Variants in RIMS2 observed in about 807,000 individuals in gnomAD.
RIMS2 encodes the protein regulating synaptic membrane exocytosis 2.
In RIMS2, 59 loss-of-function variants were observed where a neutral mutation model predicts 174.4. That is an observed-to-expected ratio of 0.34 (90% CI 0.27 to 0.42). The LOEUF (loss-of-function observed/expected upper bound fraction) is 0.42. Among genes scored for constraint, RIMS2 ranks in the 10% least tolerant of loss-of-function variants. The pLI, the probability that RIMS2 is intolerant of heterozygous loss-of-function variation, is 1.00. For synonymous variants in RIMS2, 606 were observed against 572.5 expected, an observed-to-expected ratio of 1.06 and a Z score of -0.84; for missense variants, 1,620 against 1,666.3, an observed-to-expected ratio of 0.97 and a Z score of 0.48.
intron 19 of RIMS2, among the ~76,000 whole-genome samples, chr8:104,080,588 C>T (rs540723721): frequency 2.6e-5 from 4 of 152,052 alleles, no homozygotes; most frequent in African/African-American, 9.6e-5. Flanking sequence ...TTTGAATTGA[C>T]ACTTGTGTAA....
chr8:103,768,457 A>G (rs1398720443), intron 3 of RIMS2: 3 of 782,482 alleles, frequency 3.8e-6, no homozygotes, highest in Non-Finnish European at 7.1e-6. Flanking sequence ...ATGACAAACA[A>G]TGGTTCCCCA....
chr8:103,887,284 G>A (rs940087828), intron 4 of RIMS2, among the ~76,000 whole-genome samples: 2 of 151,204 alleles, frequency 1.3e-5, no homozygotes, highest in Non-Finnish European at 3.0e-5. Flanking sequence ...TGATTTATAA[G>A]CACTTTTTAT....
chr8:103,735,909 A>G (rs2097679564), intron 2 of RIMS2, among the ~76,000 whole-genome samples: 1 of 152,114 alleles, frequency 6.6e-6, no homozygotes, highest in African/African-American at 2.4e-5. Flanking sequence ...TTGAGTTTTA[A>G]ATACCCTGGC....
At chr8:103,619,273 A>C (rs953666059) in intron 1 of RIMS2, among the ~76,000 whole-genome samples, 10 of 152,050 alleles carry the variant, frequency 6.6e-5, no homozygotes, top group African/African-American at 2.4e-4. Flanking sequence ...TATTTCAGAA[A>C]AAAAACAAAG....
intron 19 of RIMS2, among the ~76,000 whole-genome samples, chr8:104,055,841 C>G (rs7016772): frequency 0.013 from 1,999 of 152,216 alleles, 29 homozygotes; most frequent in Middle Eastern, 0.11. Context: ...TAGTCAGTGT[C>G]TCGTTTGTCC....
At chr8:103,922,634 A>C (rs1320779925) in intron 10 of RIMS2, 1 of 390,650 alleles carries the variant, frequency 2.6e-6, no homozygotes, top group Non-Finnish European at 5.1e-6. Flanking sequence ...ATTTTGGATT[A>C]AAAAAAAGTT....
intron 19 of RIMS2, among the ~76,000 whole-genome samples, chr8:104,226,010 AAAGCAGTGCTTCTCTACTTC>A (rs1331006562): frequency 6.6e-6 from 1 of 152,212 alleles, no homozygotes; most frequent in Non-Finnish European, 1.5e-5. Flanking sequence ...TCATTGGCCT[AAAGCAGTGCTTCTCTACTTC>A]CTTTTTTTTC....
At chr8:104,080,410 A>T (rs561685316) in intron 19 of RIMS2, among the ~76,000 whole-genome samples, 7 of 152,142 alleles carry the variant, frequency 4.6e-5, no homozygotes, top group African/African-American at 1.7e-4. Context: ...TGTTTCATTC[A>T]TTGATTGAGT....
intron 19 of RIMS2, among the ~76,000 whole-genome samples, chr8:104,119,506 A>G (rs1251188349): frequency 6.6e-6 from 1 of 152,252 alleles, no homozygotes; most frequent in African/African-American, 2.4e-5. Flanking sequence ...AAACATTTTC[A>G]AACTTAAAAA....
intron 3 of RIMS2, among the ~76,000 whole-genome samples, chr8:103,787,872 A>T (rs372699640): frequency 6.6e-6 from 1 of 152,112 alleles, no homozygotes; most frequent in African/African-American, 2.4e-5. Context: ...GTGTTTTCCA[A>T]CTTGGTTCCA....
At chr8:103,735,108 A>T (rs975104923) in intron 2 of RIMS2, among the ~76,000 whole-genome samples, 25 of 152,300 alleles carry the variant, frequency 1.6e-4, no homozygotes, top group African/African-American at 6.0e-4. Context: ...ATTTCTCCTC[A>T]CATCTGTGGC....
At chr8:103,534,629 A>T (rs896724775) in intron 1 of RIMS2, among the ~76,000 whole-genome samples, 5 of 152,186 alleles carry the variant, frequency 3.3e-5, no homozygotes, top group African/African-American at 7.2e-5. Flanking sequence ...CATATTACAG[A>T]TCAGCATTAA....
intron 3 of RIMS2, among the ~76,000 whole-genome samples, chr8:103,836,518 T>A (rs80154138): frequency 0.16 from 23,928 of 152,158 alleles, 1,990 homozygotes; most frequent in Middle Eastern, 0.24. Flanking sequence ...CCATGACATG[T>A]TTGCACCACT....
chr8:103,867,276 G>C (rs996433657), intron 3 of RIMS2, among the ~76,000 whole-genome samples: 1 of 151,712 alleles, frequency 6.6e-6, no homozygotes, highest in Non-Finnish European at 1.5e-5. Context: ...AAATAAGCAT[G>C]TAATAAGCAA....
At chr8:103,600,208 A>G (rs2094663463) in intron 1 of RIMS2, among the ~76,000 whole-genome samples, 1 of 152,044 alleles carries the variant, frequency 6.6e-6, no homozygotes, top group African/African-American at 2.4e-5. Context: ...AGATGACAGA[A>G]TCTCATTCTT....
chr8:103,879,141 A>G (rs1486038645), intron 3 of RIMS2, among the ~76,000 whole-genome samples: 2 of 151,682 alleles, frequency 1.3e-5, no homozygotes, highest in African/African-American at 4.8e-5. Flanking sequence ...GAGCCCTAGA[A>G]AGATCAGTAG....
chr8:103,746,310 C>T (rs79833073), intron 2 of RIMS2, among the ~76,000 whole-genome samples: 1 of 151,750 alleles, frequency 6.6e-6, no homozygotes, highest in African/African-American at 2.4e-5. Flanking sequence ...GTATGTCTAT[C>T]CTTATGCCAA....
intron 14 of RIMS2, among the ~76,000 whole-genome samples, chr8:103,954,845 A>G (rs571299924): frequency 2.0e-5 from 3 of 152,292 alleles, no homozygotes; most frequent in African/African-American, 7.2e-5. Context: ...AACAAAACAG[A>G]CTACTAGCCA....
At chr8:104,119,552 A>G (rs1599334472) in intron 19 of RIMS2, among the ~76,000 whole-genome samples, 2 of 152,208 alleles carry the variant, frequency 1.3e-5, no homozygotes, top group Admixed American at 1.3e-4. Flanking sequence ...GATAAAAGTA[A>G]GATTTTCTGA....
Sources: allele counts gnomAD v4.1 joint callset (sites outside exome capture counted in the v4.1 genomes callset), GRCh38; gene constraint gnomAD v4.1.1; transcripts MANE v1.5; gene names NCBI Gene and HGNC (gene_info 2026-07-23, HGNC 2026-07-21).